PRKCZ: variants seen among roughly 807,000 people sequenced by gnomAD.
PRKCZ encodes the protein protein kinase C zeta, also known as protein kinase C zeta type.
PRKCZ carries 33 observed loss-of-function variants against 79.5 expected under a neutral mutation model. The ratio of observed to expected loss-of-function variants is 0.41; its 90% CI spans 0.31 to 0.55. The LOEUF (loss-of-function observed/expected upper bound fraction) is 0.55, where lower values mean the gene tolerates loss of function less well. Ranked by LOEUF, PRKCZ falls within the 20% of genes least tolerant of loss-of-function variation. PRKCZ has a pLI of 0.19. For missense variants in PRKCZ, 578 were observed against 813.5 expected (o/e 0.71, Z 3.52); for synonymous variants, 342 against 320.9 (o/e 1.07, Z -0.70).
intron 7 of PRKCZ, among the ~76,000 whole-genome samples, chr1:2,147,776 C>T (rs1027749825): frequency 6.9e-6 from 1 of 145,732 alleles, no homozygotes; most frequent in East Asian, 2.0e-4. Flanking sequence ...TCCATCTATC[C>T]ATCCATTGTC....
intron 10 of PRKCZ, among the ~76,000 whole-genome samples, chr1:2,161,416 G>A (rs1682279782): frequency 1.3e-5 from 2 of 152,204 alleles, no homozygotes; most frequent in African/African-American, 4.8e-5. Context: ...GCACTCTTCG[G>A]GAACACTGCG....
chr1:2,126,767 C>G (rs960366118), intron 4 of PRKCZ, among the ~76,000 whole-genome samples: 2 of 152,244 alleles, frequency 1.3e-5, no homozygotes, highest in African/African-American at 4.8e-5. Context: ...TGCCCCTCAC[C>G]CGGGGTTGCC....
chr1:2,109,908 G>A (rs1669381558), intron 4 of PRKCZ, among the ~76,000 whole-genome samples: 1 of 152,234 alleles, frequency 6.6e-6, no homozygotes, highest in Non-Finnish European at 1.5e-5. Flanking sequence ...ATGTCCAGTA[G>A]CAGAATTGCC....
At chr1:2,096,176 T>G (rs1197337876) in intron 4 of PRKCZ, among the ~76,000 whole-genome samples, 1 of 151,626 alleles carries the variant, frequency 6.6e-6, no homozygotes, top group Non-Finnish European at 1.5e-5. Context: ...CCTCCCTGCG[T>G]CTGGCCTCTG....
intron 3 of PRKCZ, 105 bp downstream of exon 3, chr1:2,056,678 C>A: frequency 9.5e-7 from 1 of 1,051,504 alleles, no homozygotes; most frequent in Non-Finnish European, 1.4e-6. Flanking sequence ...CCTATGATGC[C>A]AGAGAATTTA....
chr1:2,137,980 A>C (rs2103053002), intron 5 of PRKCZ, among the ~76,000 whole-genome samples: 1 of 152,322 alleles, frequency 6.6e-6, no homozygotes, highest in South Asian at 2.1e-4. Context: ...GCTGCCCTGC[A>C]GTTCAGCCTG....
At chr1:2,090,410 G>A (rs1337415900) in intron 4 of PRKCZ, among the ~76,000 whole-genome samples, 2 of 152,126 alleles carry the variant, frequency 1.3e-5, no homozygotes, top group East Asian at 1.9e-4. Context: ...ACCGAGGGGC[G>A]TGGGCTCAGC....
intron 9 of PRKCZ, among the ~76,000 whole-genome samples, chr1:2,151,283 T>C (rs262667): frequency 0.24 from 36,570 of 152,240 alleles, 4,938 homozygotes; most frequent in Admixed American, 0.33. Flanking sequence ...GTACGGCTGT[T>C]AGTGCACTGC....
rs1683854042 is a variant in PRKCZ, at chr1:2,168,906, A to T, written c.975-612A>T. On this transcript the variant is annotated intron_variant, in intron 10 of 17. Transcript: ENST00000378567. This position sits in a 1 kb window ranked among gnomAD's most constrained non-coding sequence, Gnocchi z 4.7. ...AAAGATCTTATTAGGAAGAGAAACC[A>T]TGTGGCCCAGTCCCTGAGACGGGAA... 4.3e-5 allele frequency: 12 copies of T among 279,086 alleles called. No homozygotes were observed. The Admixed American group carries it at 5.4e-4, about 12-fold the overall frequency. The allele number at this position is 279,086 out of a possible 1,614,324, so 17.3% of individuals were successfully genotyped here.
chr1:2,058,443 A>T (rs1479526268), intron 3 of PRKCZ, among the ~76,000 whole-genome samples: 1 of 151,226 alleles, frequency 6.6e-6, no homozygotes, highest in African/African-American at 2.4e-5. Flanking sequence ...ATTCCACTGC[A>T]CTCTAGCCTG....
At chr1:2,097,926 T>C (rs1285906460) in intron 4 of PRKCZ, among the ~76,000 whole-genome samples, 1 of 152,238 alleles carries the variant, frequency 6.6e-6, no homozygotes, top group Non-Finnish European at 1.5e-5. Context: ...TGCTGCTGTG[T>C]GGTTCCCCTG....
At chr1:2,064,244 C>A (rs1459862847) in intron 4 of PRKCZ, among the ~76,000 whole-genome samples, 3 of 152,208 alleles carry the variant, frequency 2.0e-5, no homozygotes, top group African/African-American at 7.2e-5. Context: ...GTGAGTGTTA[C>A]TAGTTCTCTG....
chr1:2,055,317 T>C lies in PRKCZ; in HGVS notation c.72-124T>C, dbSNP rs1213741203. ...TGTGGGAGGGGGGAGGGGGTGGGGC[T>C]GTCATATTGTCTTTGGGGAAAGTTT... On this transcript the variant is annotated intron_variant, in intron 1 of 17. Coordinates refer to ENST00000378567, the MANE Select transcript of PRKCZ (RefSeq NM_002744.6). 2.5e-6 allele frequency: 3 copies of C among 1,192,780 alleles called. No individual in the cohort carries two copies. In the African/African-American group the frequency reaches 4.7e-5, roughly 19 times the overall value. The allele number at this position is 1,192,780 out of a possible 1,614,324, so 73.9% of individuals were successfully genotyped here. A position where few individuals can be genotyped will look rare whatever the true frequency, so the allele number is the denominator to read the frequency against.
At chr1:2,131,850 C>T (rs1168660524) in intron 4 of PRKCZ, among the ~76,000 whole-genome samples, 1 of 152,344 alleles carries the variant, frequency 6.6e-6, no homozygotes, top group East Asian at 1.9e-4. Context: ...CTCGCTCTGT[C>T]GCCCAGGCTG....
At chr1:2,052,788 C>T (rs3128319) in intron 1 of PRKCZ, among the ~76,000 whole-genome samples, 26,554 of 152,178 alleles carry the variant, frequency 0.17, 2,869 homozygotes, top group East Asian at 0.26. Flanking sequence ...AAACTCTGTC[C>T]CTGGGGTGAG....
At chr1:2,135,543 G>A (rs982223255) in intron 5 of PRKCZ, among the ~76,000 whole-genome samples, 196 bp downstream of exon 5, 1 of 152,196 alleles carries the variant, frequency 6.6e-6, no homozygotes, top group African/African-American at 2.4e-5. Flanking sequence ...AGTGCCCTCC[G>A]GGCCTTTCCC....
intron 10 of PRKCZ, among the ~76,000 whole-genome samples, chr1:2,167,040 C>G (rs959156634): frequency 6.6e-6 from 1 of 152,256 alleles, no homozygotes; most frequent in African/African-American, 2.4e-5. Flanking sequence ...AGTGAATTGA[C>G]ACCAGATTGT....
rs564426270 is a variant in PRKCZ at position 2,061,384 on chromosome 1, C to T, written c.334+1793C>T. 1.2e-4 allele frequency among the ~76,000 whole-genome samples: 17 copies of T among 147,278 alleles called. No individual in the cohort carries two copies. In the South Asian group the frequency reaches 1.9e-3, roughly 17 times the overall value. On this transcript the variant is annotated intron_variant, in intron 4 of 17. Transcript: ENST00000378567. ...TAGGGAAGGGAGGCCCGCATTTGCT[C>T]GGCCACTGCAGTGGAGGAAGGGGAG...
chr1:2,064,635 G>T, intron 4 of PRKCZ, among the ~76,000 whole-genome samples: 1 of 152,212 alleles, frequency 6.6e-6, no homozygotes, highest in South Asian at 2.1e-4. Flanking sequence ...CCATTGGACT[G>T]CATTGGCACC....
Sources: allele counts gnomAD v4.1 joint callset (sites outside exome capture counted in the v4.1 genomes callset), GRCh38; gene constraint gnomAD v4.1.1; non-coding constraint Gnocchi (gnomAD v3.1); transcripts MANE v1.5; gene names NCBI Gene and HGNC (gene_info 2026-07-23, HGNC 2026-07-21).